The following MAD1L1 variants were observed in gnomAD, a reference collection of about 807,000 sequenced individuals.
MAD1L1 encodes the protein mitotic arrest deficient 1 like 1, also known as mitotic spindle assembly checkpoint protein MAD1.
MAD1L1 carries 95 observed loss-of-function variants against 96.9 expected under a neutral mutation model. The ratio of observed to expected loss-of-function variants is 0.98; its 90% CI spans 0.83 to 1.16. The LOEUF is 1.16. Ranked by LOEUF, MAD1L1 falls within the 50% of genes most tolerant of loss-of-function variation. MAD1L1 has a pLI of 0.00. For synonymous variants in MAD1L1, 473 were observed against 396.6 expected, an observed-to-expected ratio of 1.19 and a Z score of -2.29; for missense variants, 1,007 against 954.4, an observed-to-expected ratio of 1.06 and a Z score of -0.73.
intron 2 of MAD1L1, 24 bp from the exon 3 acceptor site, chr7:2,230,167 G>T: frequency 6.4e-7 from 1 of 1,562,886 alleles, no homozygotes; most frequent in Non-Finnish European, 8.7e-7. Flanking sequence ...ACAAAGGACT[G>T]GTCAGGGGCA....
intron 14 of MAD1L1, among the ~76,000 whole-genome samples, chr7:1,983,142 GCGCGCGCGCGCGCACACACACACACACA>G (rs1780993422): frequency 3.1e-5 from 3 of 96,692 alleles, no homozygotes; most frequent in African/African-American, 1.3e-4. Flanking sequence ...ACGCGCGCGC[GCGCGCGCGCGCGCACACACACACACACA>G]CACACACACA....
chr7:2,156,862 AAAAG>A (rs1584447556), intron 10 of MAD1L1, among the ~76,000 whole-genome samples: 1 of 152,104 alleles, frequency 6.6e-6, no homozygotes, highest in South Asian at 2.1e-4. Context: ...AAAAGAAAAG[AAAAG>A]AAAGAAATAG....
At chr7:1,864,117 G>A (rs1440225433) in intron 18 of MAD1L1, among the ~76,000 whole-genome samples, 3 of 152,204 alleles carry the variant, frequency 2.0e-5, no homozygotes, top group Non-Finnish European at 4.4e-5. Context: ...GGGACGGGGC[G>A]GCCCTGCGGA....
At chr7:2,080,894 C>G (rs1785607782) in intron 11 of MAD1L1, among the ~76,000 whole-genome samples, 1 of 152,196 alleles carries the variant, frequency 6.6e-6, no homozygotes, top group Non-Finnish European at 1.5e-5. Context: ...TTCCAGGGGA[C>G]CTGGCTCACA....
At chr7:1,913,123 G>A (rs1788126818) in intron 17 of MAD1L1, among the ~76,000 whole-genome samples, 2 of 152,280 alleles carry the variant, frequency 1.3e-5, no homozygotes, top group Admixed American at 6.5e-5. Flanking sequence ...TTCCCCTTTT[G>A]GAGATGTGGC....
intron 15 of MAD1L1, among the ~76,000 whole-genome samples, chr7:1,964,338 G>T (rs1345908457): frequency 6.6e-6 from 1 of 152,202 alleles, no homozygotes; most frequent in Non-Finnish European, 1.5e-5. Flanking sequence ...GGCTGAATTG[G>T]AATGAGCGCA....
At chr7:1,913,119 T>G (rs1022845633) in intron 17 of MAD1L1, among the ~76,000 whole-genome samples, 1 of 152,166 alleles carries the variant, frequency 6.6e-6, no homozygotes, top group African/African-American at 2.4e-5. Flanking sequence ...TCTTTTCCCC[T>G]TTTGGAGATG....
intron 10 of MAD1L1, among the ~76,000 whole-genome samples, chr7:2,203,712 A>G (rs1792436457): frequency 6.6e-6 from 1 of 152,242 alleles, no homozygotes; most frequent in South Asian, 2.1e-4. Context: ...GTTGCAGAAT[A>G]AAACTGTGGA....
chr7:2,202,296 G>A (rs555097032), intron 10 of MAD1L1, among the ~76,000 whole-genome samples: 161 of 152,370 alleles, frequency 1.1e-3, no homozygotes, highest in Non-Finnish European at 1.7e-3. Flanking sequence ...CACAGGAGGA[G>A]CTGGGGTTGA....
chr7:2,007,127 G>A (rs952392577), intron 13 of MAD1L1, among the ~76,000 whole-genome samples: 1 of 152,190 alleles, frequency 6.6e-6, no homozygotes, highest in Admixed American at 6.5e-5. Flanking sequence ...CAGACAGAGG[G>A]AAGGGACCTG....
Position 1,843,925 on chromosome 7 carries a change from T to C in MAD1L1, c.1999-27697A>G, listed in dbSNP as rs538249572. On this transcript the variant is annotated intron_variant, in intron 18 of 18. Coordinates refer to ENST00000265854, the MANE Select transcript of MAD1L1 (RefSeq NM_001013836.2). ...TTCCACTTCAGCCACGGCCACTCCATGGCTAGGGGCGGGGAGGGGACACTC... is the reference window on the plus strand; with the variant it reads ...TTCCACTTCAGCCACGGCCACTCCACGGCTAGGGGCGGGGAGGGGACACTC... 2.6e-5 allele frequency among the ~76,000 whole-genome samples: 4 copies of C among 152,280 alleles called. No homozygotes were observed. In the South Asian group the frequency reaches 8.3e-4, roughly 32 times the overall value.
chr7:1,926,476 G>C (rs944515033), intron 17 of MAD1L1, among the ~76,000 whole-genome samples: 1 of 152,194 alleles, frequency 6.6e-6, no homozygotes, highest in Non-Finnish European at 1.5e-5. Context: ...TACTGACGAT[G>C]TCAGCAAGAT....
At chr7:1,946,927 T>C (rs557597066) in intron 16 of MAD1L1, among the ~76,000 whole-genome samples, 45 of 152,342 alleles carry the variant, frequency 3.0e-4, no homozygotes, top group Admixed American at 6.5e-4. Context: ...TTCAGGGGAC[T>C]GTCTACAGCC....
intron 17 of MAD1L1, among the ~76,000 whole-genome samples, chr7:1,932,651 T>C (rs1467591377): frequency 6.6e-6 from 1 of 152,250 alleles, no homozygotes; most frequent in Non-Finnish European, 1.5e-5. Context: ...TTTCGTCCTG[T>C]GTCCTGAATC....
chr7:1,891,393 G>A (rs1422083447), intron 18 of MAD1L1, among the ~76,000 whole-genome samples: 1 of 152,106 alleles, frequency 6.6e-6, no homozygotes, highest in African/African-American at 2.4e-5. Context: ...GGGTGTGGTG[G>A]CGCACCCCTG....
chr7:1,874,855 C>A (rs1030422589), intron 18 of MAD1L1, among the ~76,000 whole-genome samples: 1 of 152,052 alleles, frequency 6.6e-6, no homozygotes, highest in Non-Finnish European at 1.5e-5. Context: ...AGGGAGAGAA[C>A]ACAGAGGCCT....
chr7:2,220,586 G>GTGGGCCTGGC (rs1793548073), intron 5 of MAD1L1, among the ~76,000 whole-genome samples: 1 of 152,198 alleles, frequency 6.6e-6, no homozygotes, highest in South Asian at 2.1e-4. Context: ...AACGACCTGG[G>GTGGGCCTGGC]TGGGCCTGGC....
At chr7:1,887,587 G>A (rs1227128599) in intron 18 of MAD1L1, among the ~76,000 whole-genome samples, 6 of 151,318 alleles carry the variant, frequency 4.0e-5, no homozygotes, top group Non-Finnish European at 8.8e-5. Context: ...GCCTGTGTGT[G>A]TGACCATGCA....
At chr7:2,225,321 T>C (rs919298784) in intron 4 of MAD1L1, 89 bp downstream of exon 4, 4 of 1,305,252 alleles carry the variant, frequency 3.1e-6, no homozygotes, top group African/African-American at 1.5e-5. Flanking sequence ...GGGACTAGGA[T>C]GTGATTTCTT....
Sources: gnomAD v4.1 joint callset for allele counts (sites outside exome capture counted in the v4.1 genomes callset) on GRCh38, gnomAD v4.1.1 for gene constraint, MANE v1.5 for transcripts, NCBI Gene and HGNC (gene_info 2026-07-23, HGNC 2026-07-21) for gene names.